The following PECR variants were observed in gnomAD, a reference collection of about 807,000 sequenced individuals.
PECR encodes the protein 2,4-dienoyl-CoA reductase-related protein.
Under a neutral mutation model 35.3 loss-of-function variants are expected in PECR, and 30 were observed. The ratio of observed to expected loss-of-function variants is 0.85; its 90% CI spans 0.64 to 1.15. PECR has a LOEUF of 1.15. Ranked by LOEUF, PECR falls within the 50% of genes most tolerant of loss-of-function variation. The pLI, the probability that PECR is intolerant of heterozygous loss-of-function variation, is 0.00. For missense variants in PECR, 392 were observed against 370.8 expected (o/e 1.06, Z -0.47); for synonymous variants, 148 against 138.9 (o/e 1.07, Z -0.46).
rs1256513987 is a variant in PECR, at chr2:216,058,942, A to C, written c.459T>G (p.Ser153=). The part of the protein sequence containing the change: ...YSSWMKEHGG[S]IVNIIVPTKA... ...TAGTAGGGACAATGATATTGACGAT[A>C]GATCCTCCATGCTCTTTCATCCAGG... The change falls in exon 4 of 8, where the codon TCT becomes TCG. Residue 153 remains serine, a synonymous_variant. Coordinates refer to ENST00000265322, the MANE Select transcript of PECR (RefSeq NM_018441.6). 6.2e-7 allele frequency: 1 copy of C among 1,610,304 alleles called. No homozygotes were observed.
chr2:216,052,588 T>A (rs1448083535), intron 4 of PECR, among the ~76,000 whole-genome samples: 3 of 152,224 alleles, frequency 2.0e-5, no homozygotes, highest in Non-Finnish European at 1.5e-5. Context: ...GAAATCTGCT[T>A]CTGTATACAA....
At chr2:216,067,379 A>T (rs1018953055) in intron 1 of PECR, among the ~76,000 whole-genome samples, 15 of 152,212 alleles carry the variant, frequency 9.9e-5, no homozygotes, top group African/African-American at 2.9e-4. Flanking sequence ...GCCCACCAGA[A>T]AAAAACCTTT....
At chr2:216,063,389 G>T (rs1695397370) in intron 3 of PECR, among the ~76,000 whole-genome samples, 1 of 152,158 alleles carries the variant, frequency 6.6e-6, no homozygotes, top group Non-Finnish European at 1.5e-5. Flanking sequence ...GGAGGCCGAG[G>T]TGGGTGGATC....
rs374577312 is a variant in PECR at position 216,065,489 on chromosome 2, C to G, written c.259-12G>C. ...ACCAAATTATTCACCTAAAGAAGAA[C>G]AGTAGAAGTTACTAAAAGGAAAAGT... is the stretch of plus-strand genomic sequence containing the variant. On this transcript the variant is annotated splice_polypyrimidine_tract_variant and intron_variant, in intron 2 of 7. Coordinates refer to ENST00000265322, the MANE Select transcript of PECR (RefSeq NM_018441.6). The G allele has an allele frequency of 3.2e-6, 5 of 1,546,432 alleles. No individual in the cohort carries two copies. Among genetic ancestry groups the G allele is most frequent in the African/African-American group, 1.4e-5 (1 of 73,686 alleles).
intron 3 of PECR, among the ~76,000 whole-genome samples, chr2:216,063,191 T>C (rs926993879): frequency 2.6e-5 from 4 of 152,254 alleles, no homozygotes; most frequent in Admixed American, 2.0e-4. Flanking sequence ...TTCATGTTAA[T>C]GAGTACATTT....
At chr2:216,036,313 G>A (rs919025954), downstream of PECR, among the ~76,000 whole-genome samples, 4 of 152,202 alleles carry the variant, frequency 2.6e-5, no homozygotes, top group South Asian at 2.1e-4. Flanking sequence ...TCTGGGATCC[G>A]GTAGATGAAA....
chr2:216,078,946 A>G (rs543429752), intron 1 of PECR, among the ~76,000 whole-genome samples: 1 of 152,334 alleles, frequency 6.6e-6, no homozygotes, highest in East Asian at 1.9e-4. Flanking sequence ...GTTCAAATAC[A>G]TAAAAATCTA....
chr2:216,056,020 C>T (rs1695218876), intron 4 of PECR, among the ~76,000 whole-genome samples: 1 of 152,150 alleles, frequency 6.6e-6, no homozygotes, highest in South Asian at 2.1e-4. Flanking sequence ...CTCTGTGCTC[C>T]TTTTATCTTG....
intron 6 of PECR, among the ~76,000 whole-genome samples, chr2:216,046,446 G>A (rs1467706768): frequency 6.6e-6 from 1 of 151,304 alleles, no homozygotes; most frequent in African/African-American, 2.4e-5. Flanking sequence ...AGGTAACTGG[G>A]ACTACAGGCA....
In PECR at chr2:216,038,432, A is replaced by C. The variant is rs147405200; in HGVS notation, c.*843T>G. 3.9e-5 allele frequency: 6 copies of C among 152,356 alleles called. No homozygotes were observed. Among genetic ancestry groups the C allele is most frequent in the Non-Finnish European group, 8.8e-5 (6 of 68,034 alleles). The allele number at this position is 152,356 out of a possible 1,614,324, so 9.4% of individuals were successfully genotyped here. The stretch of plus-strand genomic sequence containing the variant: ...TCTTTGAATTAAGAGAATTTATACA[A>C]ATTTGACTTCATAAACAAAAGAAAC... On this transcript the variant is annotated 3_prime_UTR_variant, in exon 8 of 8. Transcript: ENST00000265322.
At chr2:216,049,136 A>T in intron 6 of PECR, 127 bp downstream of exon 6, 1 of 751,932 alleles carries the variant, frequency 1.3e-6, no homozygotes, top group Non-Finnish European at 2.5e-6. Context: ...GCCAGAAAGA[A>T]CAGGGGAAAT....
Position 216,039,310 on chromosome 2 carries a change from T to C in PECR, c.877A>G (p.Met293Val). ...GAGDLSVVKKMKETFKEKAKL is the reference protein window; with the variant it reads ...GAGDLSVVKKVKETFKEKAKL Reference sequence around the variant, plus strand: ...GCTTTCTCCTTAAAGGTCTCCTTCATCTTTTTGACAACAGAAAGGTCCCCT... The same window carrying C: ...GCTTTCTCCTTAAAGGTCTCCTTCACCTTTTTGACAACAGAAAGGTCCCCT... The change falls in exon 8 of 8, where the codon ATG (methionine) becomes GTG (valine). Residue 293 changes from methionine to valine, a missense_variant. By Grantham distance (21) the Met-to-Val change is conservative (BLOSUM62 1). Transcript: ENST00000265322. The C allele has an allele frequency of 3.7e-6, 6 of 1,610,380 alleles. No homozygotes were observed. In the South Asian group the frequency reaches 5.5e-5, roughly 15 times the overall value.
At chr2:216,066,653 T>C in intron 1 of PECR, 135 bp from the exon 2 acceptor site, 1 of 786,898 alleles carries the variant, frequency 1.3e-6, no homozygotes. Flanking sequence ...ACAATAATAA[T>C]ATTGAAAAAA....
At chr2:216,060,258 T>C (rs1327597354) in intron 3 of PECR, among the ~76,000 whole-genome samples, 1 of 152,216 alleles carries the variant, frequency 6.6e-6, no homozygotes, top group Non-Finnish European at 1.5e-5. Flanking sequence ...CGCTTCTGGA[T>C]AAATACCACC....
chr2:216,064,933 C>T (rs959438882), intron 3 of PECR, among the ~76,000 whole-genome samples: 1 of 152,178 alleles, frequency 6.6e-6, no homozygotes, highest in Non-Finnish European at 1.5e-5. Context: ...AGAGAGCATA[C>T]AGACTCTGTC....
Position 216,043,024 on chromosome 2 carries a change from CGTAT to C in PECR, c.826+876_826+879del, listed in dbSNP as rs1694920391. Among the ~76,000 whole-genome samples, 6 of 135,220 alleles carry C rather than the reference CGTAT, an allele frequency of 4.4e-5. 1 individual carries two copies. The highest frequency in any genetic ancestry group is 1.4e-4 in the African/African-American group (5 of 35,106). The allele number at this position is 135,220 out of a possible 152,430, so 88.7% of individuals were successfully genotyped here. On this transcript the variant is annotated intron_variant, in intron 7 of 7. Transcript: ENST00000265322. ...ATATGTGTATATATATATACACATA[CGTAT>C]ATATGTATGTGTATATATATATACA...
chr2:216,057,365 TAAG>T (rs1002700058), intron 4 of PECR, among the ~76,000 whole-genome samples: 1 of 152,122 alleles, frequency 6.6e-6, no homozygotes, highest in Non-Finnish European at 1.5e-5. Flanking sequence ...CATAAAAAAA[TAAG>T]AAGAAATCTC....
chr2:216,063,582 C>T (rs1294555315), intron 3 of PECR, among the ~76,000 whole-genome samples: 1 of 151,764 alleles, frequency 6.6e-6, no homozygotes, highest in Non-Finnish European at 1.5e-5. Flanking sequence ...CACGCCACTG[C>T]ACTCCAGCCT....
chr2:216,031,695 A>AAGAAAG (rs1559204169), intron 7 of PECR, among the ~76,000 whole-genome samples: 26 of 107,042 alleles, frequency 2.4e-4, no homozygotes, highest in South Asian at 1.2e-3. Context: ...AAGAAAGAGA[A>AAGAAAG]AGAAAGAAAG....
Sources: gnomAD v4.1 joint callset for allele counts (sites outside exome capture counted in the v4.1 genomes callset) on GRCh38, gnomAD v4.1.1 for gene constraint, MANE v1.5 for transcripts, NCBI Gene and HGNC (gene_info 2026-07-23, HGNC 2026-07-21) for gene names.